The following EXD1 variants were observed in gnomAD, a reference collection of about 807,000 sequenced individuals.
The protein encoded by EXD1 is exonuclease 3'-5' domain containing 1, also known as piRNA biogenesis protein EXD1.
In EXD1, 63 loss-of-function variants were observed where a neutral mutation model predicts 49.1. That is an observed-to-expected ratio of 1.28 (90% confidence interval 1.05 to 1.58). The LOEUF is 1.58. Among genes scored for constraint, EXD1 ranks in the 40% most tolerant of loss-of-function variants. The pLI, the probability that EXD1 is intolerant of heterozygous loss-of-function variation, is 0.00. For missense variants in EXD1, 748 were observed against 666.0 expected (o/e 1.12, Z -1.36); for synonymous variants, 234 against 239.2 (o/e 0.98, Z 0.20).
At position 41,226,595 on chromosome 15, in the gene EXD1, C is replaced by G. The variant is rs1339077866; in HGVS notation, c.-20G>C. 6.5e-7 allele frequency: 1 copy of G among 1,528,002 alleles called. No individual in the cohort carries two copies. Among genetic ancestry groups the G allele is most frequent in the Non-Finnish European group, 8.7e-7 (1 of 1,142,982 alleles). 94.7% of individuals were successfully genotyped at this position (1,528,002 alleles called of 1,614,324 possible). A position where few individuals can be genotyped will look rare whatever the true frequency, so the allele number is the denominator to read the frequency against. On this transcript the variant is annotated 5_prime_UTR_variant, in exon 2 of 12. Transcript: ENST00000458580. ...GTCCATGCTAATTGATTCCAAAAGC[C>G]GTCTTCAAATAATCTTCTTTAAGCA...
intron 2 of EXD1, among the ~76,000 whole-genome samples, chr15:41,226,069 G>A (rs1027028984): frequency 2.0e-5 from 3 of 151,842 alleles, no homozygotes; most frequent in Non-Finnish European, 2.9e-5. Context: ...TGGCTAACAC[G>A]GTGAAACCCT....
At position 41,216,879 on chromosome 15, in the gene EXD1, A is replaced by C. The variant is rs562953261; in HGVS notation, c.261-84T>G. 2.9e-5 allele frequency: 46 copies of C among 1,566,276 alleles called. No individual in the cohort carries two copies. The African/African-American group carries it at 5.8e-4, about 20-fold the overall frequency. ...CAGATTTTGCCACACATTAACGTTA[A>C]GGACAGTGGTCCTTCATTAACTAGA... On this transcript the variant is annotated intron_variant, in intron 4 of 11. Transcript: ENST00000458580.
intron 9 of EXD1, chr15:41,191,991 A>C (rs1251557765): frequency 1.2e-5 from 2 of 168,454 alleles, no homozygotes; most frequent in Non-Finnish European, 2.5e-5. Flanking sequence ...TATGTCGTCC[A>C]GGCTGGAGTG....
chr15:41,186,877 C>T (rs1014183874), intron 11 of EXD1, among the ~76,000 whole-genome samples: 6 of 148,832 alleles, frequency 4.0e-5, no homozygotes, highest in African/African-American at 1.2e-4. Flanking sequence ...TGGGTTCAAG[C>T]GATTCTTTTT....
At chr15:41,226,303 G>A (rs1412931654) in intron 2 of EXD1, 140 bp downstream of exon 2, 1 of 828,092 alleles carries the variant, frequency 1.2e-6, no homozygotes, top group Non-Finnish European at 1.8e-6. Context: ...TGTTCTGTTT[G>A]GGAAAACAAT....
At chr15:41,211,734 C>CA (rs2046924048) in intron 6 of EXD1, among the ~76,000 whole-genome samples, 1 of 144,632 alleles carries the variant, frequency 6.9e-6, no homozygotes, top group East Asian at 2.1e-4. Flanking sequence ...CCGAGGAAGA[C>CA]AGACTGCTTG....
chr15:41,206,457 C>CAG (rs535382592), intron 7 of EXD1, among the ~76,000 whole-genome samples: 117 of 118,594 alleles, frequency 9.9e-4, no homozygotes, highest in Middle Eastern at 0.014. Flanking sequence ...GCCTGGGCAA[C>CAG]AGAGAGACCC....
In EXD1 at chr15:41,199,777, C is replaced by G. The variant is rs1438906447; in HGVS notation, c.535-3740G>C. ...TATGATACATATATGATATATATGTCATATATTATATAATGTCATATATAT... is the reference window on the plus strand; with the variant it reads ...TATGATACATATATGATATATATGTGATATATTATATAATGTCATATATAT... On this transcript the variant is annotated intron_variant, in intron 7 of 11. Transcript: ENST00000458580. Among the ~76,000 whole-genome samples the G allele has an allele frequency of 1.9e-3, 36 of 19,354 alleles. No individual in the cohort carries two copies. In the East Asian group the frequency reaches 0.076, roughly 41 times the overall value. 12.7% of individuals were successfully genotyped at this position (19,354 alleles called of 152,430 possible).
At position 41,210,972 on chromosome 15, in the gene EXD1, T is replaced by C. The variant is rs542387022; in HGVS notation, c.448-1385A>G. 3.9e-5 allele frequency among the ~76,000 whole-genome samples: 6 copies of C among 152,282 alleles called. No individual in the cohort carries two copies. In the South Asian group the frequency reaches 1.0e-3, roughly 26 times the overall value. On this transcript the variant is annotated intron_variant, in intron 6 of 11. Coordinates refer to ENST00000458580, the MANE Select transcript of EXD1 (RefSeq NM_001286441.2). ...AATTTCAGCTTCATTCCCAATCAGA[T>C]GGCTGCAGAACCGGCAACAAAAGCT...
chr15:41,201,926 G>A (rs924558733), intron 7 of EXD1, among the ~76,000 whole-genome samples: 3 of 152,054 alleles, frequency 2.0e-5, no homozygotes, highest in Non-Finnish European at 2.9e-5. Flanking sequence ...GCTGAGGTGG[G>A]AGGATCGCTT....
chr15:41,230,717 G>A lies in EXD1; in HGVS notation c.-292C>T, dbSNP rs2047229849. 1.0e-5 allele frequency: 7 copies of A among 669,718 alleles called. No homozygotes were observed. The highest frequency in any genetic ancestry group is 3.0e-5 in the Admixed American group (1 of 33,070). 41.5% of individuals were successfully genotyped at this position (669,718 alleles called of 1,614,324 possible). A position where few individuals can be genotyped will look rare whatever the true frequency, so the allele number is the denominator to read the frequency against. On this transcript the variant is annotated 5_prime_UTR_variant, in exon 1 of 12. Transcript: ENST00000458580. ...GTCCGCGACGCCGGGGACACACGCC[G>A]CAGAGGCGACGCCCGCCCGGCCCAA...
intron 9 of EXD1, among the ~76,000 whole-genome samples, chr15:41,195,231 T>C (rs2046590087): frequency 6.6e-6 from 1 of 151,846 alleles, no homozygotes; most frequent in Non-Finnish European, 1.5e-5. Flanking sequence ...TAAATAATAA[T>C]AACAACAACA....
At chr15:41,193,191 T>TA (rs1240332600) in intron 9 of EXD1, among the ~76,000 whole-genome samples, 1 of 152,178 alleles carries the variant, frequency 6.6e-6, no homozygotes, top group Non-Finnish European at 1.5e-5. Flanking sequence ...GTGTTGGGAT[T>TA]ACAGGCGTGA....
chr15:41,203,036 G>T (rs2046758068), intron 7 of EXD1, among the ~76,000 whole-genome samples: 1 of 152,018 alleles, frequency 6.6e-6, no homozygotes, highest in Non-Finnish European at 1.5e-5. Context: ...ATAAACTATG[G>T]TGAAGATACC....
Position 41,209,583 on chromosome 15 carries a change from A to C in EXD1, c.452T>G (p.Leu151Arg). 6.2e-7 allele frequency: 1 copy of C among 1,613,788 alleles called. No homozygotes were observed. The highest frequency in any genetic ancestry group is 1.1e-5 in the South Asian group (1 of 90,920). The change falls in exon 7 of 12, where the codon CTC becomes CGC. Residue 151 changes from leucine to arginine, a missense_variant. Physicochemically the swap from Leu to Arg is moderately radical, Grantham distance 102 (BLOSUM62 -2). Coordinates refer to ENST00000458580, the MANE Select transcript of EXD1 (RefSeq NM_001286441.2). ...CAGGACATTCTGCTTCTTGATATGG[A>C]GTATCTGGTAAGAAAAAGAAGGAAA... is the stretch of plus-strand genomic sequence containing the variant. ...QFQQKFGAAI[L>R]HIKKQNVLSV...
intron 9 of EXD1, chr15:41,192,398 G>C (rs1460095324): frequency 6.6e-6 from 1 of 152,312 alleles, no homozygotes; most frequent in Non-Finnish European, 1.5e-5. Flanking sequence ...CCGGATTCAA[G>C]CAATTATCCT....
chr15:41,230,533 G>C lies in EXD1; in HGVS notation c.-108C>G. Reference sequence around the variant, plus strand: ...GTTAGGGCTTTTTCCTCCGAAGGAAGTTTGGGAAATCTGGATCCTAATTTC... The same window carrying C: ...GTTAGGGCTTTTTCCTCCGAAGGAACTTTGGGAAATCTGGATCCTAATTTC... On this transcript the variant is annotated 5_prime_UTR_variant, in exon 1 of 12. Coordinates refer to ENST00000458580, the MANE Select transcript of EXD1 (RefSeq NM_001286441.2). 6.2e-7 allele frequency: 1 copy of C among 1,614,180 alleles called. No individual in the cohort carries two copies. The highest frequency in any genetic ancestry group is 8.5e-7 in the Non-Finnish European group (1 of 1,180,008).
chr15:41,219,887 C>A lies in EXD1; in HGVS notation c.145G>T (p.Glu49Ter), dbSNP rs1405447141. 1 of 1,535,160 alleles carries A rather than the reference C, an allele frequency of 6.5e-7. No individual in the cohort carries two copies. The highest frequency in any genetic ancestry group is 1.4e-5 in the African/African-American group (1 of 72,968). Reference sequence around the variant, plus strand: ...ACTCCTGGGACACTTCGACCTGTCTCCACATTCTTCACTGTTACAGAAAAC... The same window carrying A: ...ACTCCTGGGACACTTCGACCTGTCTACACATTCTTCACTGTTACAGAAAAC... ...IVVLKKVKNVETGRSVPGVKL... is the reference protein window; with the variant it reads ...IVVLKKVKNV Residue 49 changes from glutamate to a stop codon, truncating the protein, a stop_gained, in exon 3 of 12, where the codon GAG becomes TAG. Coordinates refer to ENST00000458580, the MANE Select transcript of EXD1 (RefSeq NM_001286441.2). LOFTEE classifies it high-confidence loss of function.
At chr15:41,199,912 A>G (rs1463751237) in intron 7 of EXD1, among the ~76,000 whole-genome samples, 1 of 146,124 alleles carries the variant, frequency 6.8e-6, no homozygotes, top group Admixed American at 7.0e-5. Context: ...ATATACAGAT[A>G]TATTTTTTTG....
Sources: gnomAD v4.1 joint callset for allele counts (sites outside exome capture counted in the v4.1 genomes callset) on GRCh38, gnomAD v4.1.1 for gene constraint, MANE v1.5 for transcripts, NCBI Gene and HGNC (gene_info 2026-07-23, HGNC 2026-07-21) for gene names.